RNF168: variants seen among roughly 807,000 people sequenced by gnomAD.
RNF168 encodes the protein ring finger protein 168.
A neutral mutation model predicts 34.9 loss-of-function variants in RNF168; 34 were observed. The ratio of observed to expected loss-of-function variants is 0.97; its 90% CI spans 0.74 to 1.30. The LOEUF (loss-of-function observed/expected upper bound fraction) is 1.30. Ranked by LOEUF, RNF168 falls within the 50% of genes most tolerant of loss-of-function variation. The pLI, the probability that RNF168 is intolerant of heterozygous loss-of-function variation, is 0.00. For synonymous variants in RNF168, 264 were observed against 254.7 expected (o/e 1.04, Z -0.35); for missense variants, 725 against 682.5 (o/e 1.06, Z -0.69).
chr3:196,502,079 A>G (rs1266049855), intron 1 of RNF168, among the ~76,000 whole-genome samples: 1 of 146,032 alleles, frequency 6.8e-6, no homozygotes, highest in African/African-American at 2.6e-5. Context: ...AAAAAAAAAA[A>G]AAGACCTGTC....
chr3:196,495,721 T>C (rs1239343430), intron 1 of RNF168, among the ~76,000 whole-genome samples: 1 of 152,212 alleles, frequency 6.6e-6, no homozygotes. Context: ...ATCTGTAAGA[T>C]GATATTTTCA....
chr3:196,479,182 T>C (rs1732226351), intron 4 of RNF168, among the ~76,000 whole-genome samples: 1 of 149,890 alleles, frequency 6.7e-6, no homozygotes, highest in African/African-American at 2.5e-5. Context: ...CCGGCTAATT[T>C]TTGTATTTTT....
chr3:196,476,238 A>G (rs1483888174), intron 4 of RNF168, among the ~76,000 whole-genome samples: 2 of 152,196 alleles, frequency 1.3e-5, no homozygotes, highest in Admixed American at 6.5e-5. Flanking sequence ...AGTCTTCCCA[A>G]AAGTAATGAA....
In RNF168 at chr3:196,503,015, G is replaced by A. The variant is rs772223314; in HGVS notation, c.159C>T (p.Phe53=). ...TVEKASLCCP[F]CRRRVSSWTR... ...TCCACGACGATACCCGGCGGCGACA[G>A]AAGGGACAGCATAAACTCGCCTTTT... The change falls in exon 1 of 6, where the codon TTC becomes TTT. Residue 53 remains phenylalanine (F), a synonymous_variant. Transcript: ENST00000318037. The A allele has an allele frequency of 6.2e-7, 1 of 1,614,048 alleles. No homozygotes were observed. Among genetic ancestry groups the A allele is most frequent in the South Asian group, 1.1e-5 (1 of 91,080 alleles).
intron 1 of RNF168, among the ~76,000 whole-genome samples, chr3:196,490,959 AC>A (rs953570144): frequency 1.1e-4 from 16 of 152,232 alleles, no homozygotes; most frequent in Non-Finnish European, 2.4e-4. Flanking sequence ...AATCTACGAA[AC>A]CCTGGAGGTA....
At position 196,483,820 on chromosome 3, in the gene RNF168, CTTGGG is replaced by C. The variant is rs1560270382; in HGVS notation, c.625_629del (p.Pro209ValfsTer2). 6.2e-7 allele frequency: 1 copy of C among 1,609,422 alleles called. No homozygotes were observed. The highest frequency in any genetic ancestry group is 8.5e-7 in the Non-Finnish European group (1 of 1,175,846). On this transcript the variant is annotated frameshift_variant, in exon 4 of 6. Coordinates refer to ENST00000318037, the MANE Select transcript of RNF168 (RefSeq NM_152617.4). LOFTEE classifies it high-confidence loss of function. ...GTTTGTTCTTACTTTTCTTTTCAGACTTGGGTGTAACTGGATCAGATTTTCTGGAA... is the reference window on the plus strand; with the variant it reads ...GTTTGTTCTTACTTTTCTTTTCAGACTGTAACTGGATCAGATTTTCTGGAA...
At position 196,503,052 on chromosome 3, in the gene RNF168, TG is replaced by T. The variant is rs755833250; in HGVS notation, c.121del (p.Gln41SerfsTer39). 1 of 1,614,112 alleles carries T rather than the reference TG, an allele frequency of 6.2e-7. No homozygotes were observed. Among genetic ancestry groups the T allele is most frequent in the East Asian group, 2.2e-5 (1 of 44,878 alleles). On this transcript the variant is annotated frameshift_variant, in exon 1 of 6. Transcript: ENST00000318037. LOFTEE classifies it high-confidence loss of function. The stretch of plus-strand genomic sequence containing the variant: ...TAAACTCGCCTTTTCGACGGTCGAC[TG>T]GAAGCACGGTTTACACAGCGTGTGG... ...CNHTLCKPCF[Q>X]STVEKASLCC...
In RNF168 at chr3:196,469,553, T is replaced by C. The variant is rs1038548933; in HGVS notation, c.*2266A>G. On this transcript the variant is annotated 3_prime_UTR_variant, in exon 6 of 6. Coordinates refer to ENST00000318037, the MANE Select transcript of RNF168 (RefSeq NM_152617.4). ...TTATCTTATTTTCACATTAAAAGAA[T>C]AGATTACTAGATATCAGCAGAAATG... is the stretch of plus-strand genomic sequence containing the variant. The C allele has an allele frequency of 9.2e-5, 14 of 152,214 alleles. No homozygotes were observed. Among genetic ancestry groups the C allele is most frequent in the Admixed American group, 3.3e-4 (5 of 15,268 alleles). 9.4% of individuals were successfully genotyped at this position (152,214 alleles called of 1,614,324 possible). A position where few individuals can be genotyped will look rare whatever the true frequency, so the allele number is the denominator to read the frequency against.
intron 1 of RNF168, among the ~76,000 whole-genome samples, chr3:196,498,757 G>C (rs1426251636): frequency 1.3e-5 from 2 of 152,158 alleles, no homozygotes; most frequent in African/African-American, 4.8e-5. Flanking sequence ...CACTTTGGGA[G>C]GCCGAGGCGG....
intron 3 of RNF168, among the ~76,000 whole-genome samples, chr3:196,484,171 C>CTTTTTTTTTTTT (rs71699491): frequency 8.4e-6 from 1 of 119,462 alleles, no homozygotes; most frequent in Non-Finnish European, 1.6e-5. Flanking sequence ...TCTTTCTTTC[C>CTTTTTTTTTTTT]TTTTTTTTTT....
intron 5 of RNF168, among the ~76,000 whole-genome samples, chr3:196,474,114 T>C (rs1732080237): frequency 6.7e-6 from 1 of 150,198 alleles, no homozygotes; most frequent in African/African-American, 2.5e-5. Flanking sequence ...ATACTTTTTC[T>C]CATCTTGCAA....
rs571505697 is a variant in RNF168 at position 196,478,897 on chromosome 3, T to C, written c.681-3585A>G. On this transcript the variant is annotated intron_variant, in intron 4 of 5. Coordinates refer to ENST00000318037, the MANE Select transcript of RNF168 (RefSeq NM_152617.4). The stretch of plus-strand genomic sequence containing the variant: ...CCTGACCTCAGAAGTATTGTATTTT[T>C]GGTAGAGACAGGACAGCCAGGCTGG... Among the ~76,000 whole-genome samples, 5 of 151,154 alleles carry C rather than the reference T, an allele frequency of 3.3e-5. No individual in the cohort carries two copies. In the South Asian group the frequency reaches 1.0e-3, roughly 32 times the overall value.
rs1189074725 is a variant in RNF168 at position 196,470,332 on chromosome 3, T to C, written c.*1487A>G. The stretch of plus-strand genomic sequence containing the variant: ...AGCCACATCCTCATCTGGACCAGTT[T>C]CTGACCACCCAATCAGTTTCAATGA... On this transcript the variant is annotated 3_prime_UTR_variant, in exon 6 of 6. Transcript: ENST00000318037. The C allele has an allele frequency of 6.6e-6, 1 of 150,920 alleles. No individual in the cohort carries two copies. Among genetic ancestry groups the C allele is most frequent in the East Asian group, 2.0e-4 (1 of 5,092 alleles). The allele number at this position is 150,920 out of a possible 1,614,324, so 9.3% of individuals were successfully genotyped here. A position where few individuals can be genotyped will look rare whatever the true frequency, so the allele number is the denominator to read the frequency against.
chr3:196,489,373 C>G (rs1732537580), intron 1 of RNF168, among the ~76,000 whole-genome samples: 1 of 151,598 alleles, frequency 6.6e-6, no homozygotes, highest in African/African-American at 2.4e-5. Context: ...GTCACCCAGG[C>G]TGGAGTGCAG....
intron 1 of RNF168, among the ~76,000 whole-genome samples, chr3:196,500,008 T>G (rs539616669): frequency 1.3e-5 from 2 of 152,270 alleles, no homozygotes; most frequent in East Asian, 3.9e-4. Context: ...AAATAGCAAG[T>G]GTTGGCGAGG....
chr3:196,493,451 C>A (rs1732644420), intron 1 of RNF168, among the ~76,000 whole-genome samples: 1 of 152,060 alleles, frequency 6.6e-6, no homozygotes, highest in African/African-American at 2.4e-5. Flanking sequence ...AACCCCTTGG[C>A]TGAAGCGATT....
chr3:196,486,581 G>A (rs1356343879), intron 3 of RNF168, among the ~76,000 whole-genome samples: 2 of 152,094 alleles, frequency 1.3e-5, no homozygotes, highest in African/African-American at 2.4e-5. Context: ...CGATCCTCTC[G>A]CCTCAGCTTC....
intron 1 of RNF168, among the ~76,000 whole-genome samples, chr3:196,492,461 T>G (rs951282945): frequency 6.6e-6 from 1 of 152,070 alleles, no homozygotes; most frequent in South Asian, 2.1e-4. Context: ...ACACAGCTAC[T>G]GATAAAGAGA....
chr3:196,500,021 G>A (rs1217406312), intron 1 of RNF168, among the ~76,000 whole-genome samples: 1 of 152,184 alleles, frequency 6.6e-6, no homozygotes, highest in South Asian at 2.1e-4. Context: ...TGGCGAGGGT[G>A]CAGAGAAACT....
Sources: allele counts gnomAD v4.1 joint callset (sites outside exome capture counted in the v4.1 genomes callset), GRCh38; gene constraint gnomAD v4.1.1; transcripts MANE v1.5; gene names NCBI Gene and HGNC (gene_info 2026-07-23, HGNC 2026-07-21).